Variants in PRSS12 observed in about 807,000 individuals in gnomAD.
The protein encoded by PRSS12 is neurotrypsin.
In PRSS12, 85 loss-of-function variants were observed where a neutral mutation model predicts 104.4. That is an observed-to-expected ratio of 0.81 (90% CI 0.68 to 0.98). The LOEUF is 0.98. PRSS12 is among the 50% of genes least tolerant of loss of function. PRSS12 has a pLI of 0.00. For missense variants in PRSS12, 1,141 were observed against 1,139.2 expected (o/e 1.00, Z -0.02); for synonymous variants, 454 against 425.2 (o/e 1.07, Z -0.83).
intron 8 of PRSS12, among the ~76,000 whole-genome samples, chr4:118,299,455 C>A (rs1266835278): frequency 6.6e-6 from 1 of 151,910 alleles, no homozygotes; most frequent in Non-Finnish European, 1.5e-5. Context: ...CCAAGGCGGG[C>A]GGATCACCTG....
rs1415875358 is a variant in PRSS12 at position 118,318,541 on chromosome 4, T to A, written c.987A>T (p.Ala329=). ...RQLGLSGIAK[A]WHQAYFGEGS... ...CTTCCCCAAAATATGCCTGATGCCA[T>A]GCTTTGGCAATGCCACTGAACAAAT... The change falls in exon 5 of 13, where the codon GCA becomes GCT. Residue 329 remains alanine, a synonymous_variant. Transcript: ENST00000296498. The A allele has an allele frequency of 6.2e-7, 1 of 1,614,092 alleles. No individual in the cohort carries two copies. Among genetic ancestry groups the A allele is most frequent in the Admixed American group, 1.7e-5 (1 of 60,010 alleles).
chr4:118,314,344 C>T (rs1283375110), intron 6 of PRSS12, among the ~76,000 whole-genome samples: 2 of 151,992 alleles, frequency 1.3e-5, no homozygotes, highest in South Asian at 2.1e-4. Context: ...ATTTATTTGA[C>T]AAAATGAATA....
chr4:118,304,174 G>A (rs1269336543), intron 8 of PRSS12, among the ~76,000 whole-genome samples: 1 of 151,644 alleles, frequency 6.6e-6, no homozygotes, highest in Admixed American at 6.6e-5. Flanking sequence ...ATATGTATGT[G>A]TGTATGTGTG....
In PRSS12 at chr4:118,298,876, T is replaced by G. The variant is rs1485260519; in HGVS notation, c.1694A>C (p.Asp565Ala). ...CTCATTTCCTGTGCACTTCACATTA[T>G]CCACATGGATGGGTCCTTTTCCTTC... is the stretch of plus-strand genomic sequence containing the variant. ...FGEGKGPIHV[D>A]NVKCTGNERS... Residue 565 changes from aspartate (D) to alanine (A), a missense_variant, in exon 9 of 13, where the codon GAT becomes GCT. Physicochemically the swap from Asp to Ala is moderately radical, Grantham distance 126. Coordinates refer to ENST00000296498, the MANE Select transcript of PRSS12 (RefSeq NM_003619.4). 1 of 1,614,210 alleles carries G rather than the reference T, an allele frequency of 6.2e-7. No individual in the cohort carries two copies. The highest frequency in any genetic ancestry group is 8.5e-7 in the Non-Finnish European group (1 of 1,180,038).
chr4:118,290,234 A>C (rs1487691567), intron 11 of PRSS12, among the ~76,000 whole-genome samples: 1 of 152,118 alleles, frequency 6.6e-6, no homozygotes, highest in African/African-American at 2.4e-5. Context: ...AATAACAACA[A>C]CAAAAAAAAG....
intron 4 of PRSS12, among the ~76,000 whole-genome samples, chr4:118,325,807 A>C (rs1168442976): frequency 1.3e-5 from 2 of 151,668 alleles, no homozygotes; most frequent in African/African-American, 4.8e-5. Flanking sequence ...AGTGTTGTCT[A>C]GTTTTTTACC....
intron 3 of PRSS12, among the ~76,000 whole-genome samples, 153 bp from the exon 4 acceptor site, chr4:118,332,019 T>C (rs1055163505): frequency 6.6e-6 from 1 of 152,170 alleles, no homozygotes; most frequent in Non-Finnish European, 1.5e-5. Flanking sequence ...ATATCTAATA[T>C]ATTATGGTAA....
chr4:118,313,797 T>C (rs1743824687), intron 6 of PRSS12, among the ~76,000 whole-genome samples: 1 of 152,194 alleles, frequency 6.6e-6, no homozygotes, highest in Admixed American at 6.5e-5. Flanking sequence ...CAGCAGCTTC[T>C]CTTTGGTCTT....
chr4:118,282,289 G>C (rs1306800331), intron 12 of PRSS12, 46 bp from the exon 13 acceptor site: 2 of 1,604,454 alleles, frequency 1.2e-6, no homozygotes, highest in Non-Finnish European at 8.5e-7. Context: ...GATAACCATC[G>C]CAACATTTAA....
intron 9 of PRSS12, 97 bp from the exon 10 acceptor site, chr4:118,295,953 CA>C (rs1743243626): frequency 2.7e-6 from 3 of 1,128,680 alleles, no homozygotes; most frequent in Non-Finnish European, 4.0e-6. Flanking sequence ...TCCTCTATGT[CA>C]AAATCCCTTT....
At chr4:118,326,726 T>C (rs1578928719) in intron 4 of PRSS12, among the ~76,000 whole-genome samples, 1 of 152,198 alleles carries the variant, frequency 6.6e-6, no homozygotes, top group Admixed American at 6.5e-5. Context: ...AATCCTAAAT[T>C]GGGAGCCATA....
Position 118,295,838 on chromosome 4 carries a change from C to T in PRSS12, c.1856G>A (p.Cys619Tyr), listed in dbSNP as rs1429947097. The T allele has an allele frequency of 2.5e-6, 4 of 1,614,032 alleles. No homozygotes were observed. The highest frequency in any genetic ancestry group is 3.4e-6 in the Non-Finnish European group (4 of 1,179,932). The change falls in exon 10 of 13, where the codon TGT (cysteine) becomes TAT (tyrosine). Residue 619 changes from cysteine (C) to tyrosine (Y), a missense_variant. Cys to Tyr is a radical substitution (Grantham distance 194, BLOSUM62 -2). Transcript: ENST00000296498. ...CCGACGGTGCAGTAATCTCAAGCCA[C>T]AAACAGATGAGAGGGACTCTGAAGC... ...NSNKESLSSV[C>Y]GLRLLHRRQK...
At chr4:118,308,852 T>G (rs1272086407) in intron 7 of PRSS12, among the ~76,000 whole-genome samples, 1 of 152,186 alleles carries the variant, frequency 6.6e-6, no homozygotes, top group Non-Finnish European at 1.5e-5. Flanking sequence ...TGCTGTTTGT[T>G]GAATGAATGA....
chr4:118,331,958 T>C, intron 3 of PRSS12, 92 bp from the exon 4 acceptor site: 1 of 1,474,772 alleles, frequency 6.8e-7, no homozygotes. Flanking sequence ...CCATTCTCAA[T>C]AATTAAATAA....
intron 1 of PRSS12, among the ~76,000 whole-genome samples, chr4:118,350,226 T>A (rs572430325): frequency 6.6e-6 from 1 of 152,022 alleles, no homozygotes; most frequent in Non-Finnish European, 1.5e-5. Context: ...GAGTTAAGAG[T>A]CTTACCCAAC....
intron 11 of PRSS12, among the ~76,000 whole-genome samples, chr4:118,288,765 T>C (rs1743064500): frequency 6.6e-6 from 1 of 152,150 alleles, no homozygotes; most frequent in African/African-American, 2.4e-5. Context: ...CAATCTAGAA[T>C]AGAAAGCAAA....
chr4:118,305,590 G>C (rs1026892998), intron 8 of PRSS12, among the ~76,000 whole-genome samples: 2 of 151,932 alleles, frequency 1.3e-5, no homozygotes, highest in African/African-American at 4.8e-5. Context: ...AAATTTCCTT[G>C]TGTTCTTTTC....
At chr4:118,320,992 C>T (rs1027118223) in intron 4 of PRSS12, among the ~76,000 whole-genome samples, 1 of 152,160 alleles carries the variant, frequency 6.6e-6, no homozygotes, top group Non-Finnish European at 1.5e-5. Flanking sequence ...AGAATCCTGG[C>T]ACTATCTGAT....
chr4:118,335,159 T>C (rs7690817), intron 3 of PRSS12, among the ~76,000 whole-genome samples: 1 of 152,082 alleles, frequency 6.6e-6, no homozygotes, highest in Non-Finnish European at 1.5e-5. Context: ...TAATTTTCCA[T>C]GACTAAAATA....
Sources: allele counts gnomAD v4.1 joint callset (sites outside exome capture counted in the v4.1 genomes callset), GRCh38; gene constraint gnomAD v4.1.1; transcripts MANE v1.5; gene names NCBI Gene and HGNC (gene_info 2026-07-23, HGNC 2026-07-21).